Variants in TOM1L1 observed in about 807,000 individuals in gnomAD.
The protein encoded by TOM1L1 is TOM1-like protein 1.
Under a neutral mutation model 63.4 loss-of-function variants are expected in TOM1L1, and 64 were observed. The observed-to-expected ratio is 1.01, with a 90% CI of 0.83 to 1.24. The LOEUF (loss-of-function observed/expected upper bound fraction) is 1.24, where lower values mean the gene tolerates loss of function less well. Among genes scored for constraint, TOM1L1 ranks in the 50% most tolerant of loss-of-function variants. The pLI is 0.00. For synonymous variants in TOM1L1, 166 were observed against 194.4 expected, an observed-to-expected ratio of 0.85 and a Z score of 1.22; for missense variants, 536 against 567.0, an observed-to-expected ratio of 0.95 and a Z score of 0.55.
intron 11 of TOM1L1, among the ~76,000 whole-genome samples, chr17:54,943,784 C>G (rs1168296852): frequency 1.3e-5 from 2 of 151,752 alleles, no homozygotes; most frequent in African/African-American, 4.8e-5. Flanking sequence ...CGAGACCATC[C>G]TAGCTAATAC....
At chr17:54,957,785 A>G (rs1403846501) in intron 14 of TOM1L1, 16 of 152,230 alleles carry the variant, frequency 1.1e-4, no homozygotes, top group Admixed American at 9.8e-4. Context: ...ACGATTCACT[A>G]ATTTCAATAT....
intron 8 of TOM1L1, among the ~76,000 whole-genome samples, chr17:54,931,531 G>T (rs987085948): frequency 1.3e-5 from 2 of 152,114 alleles, no homozygotes; most frequent in African/African-American, 2.4e-5. Context: ...CAAGAATGGT[G>T]GTGCACACCT....
At chr17:54,911,885 C>T (rs1188235924) in intron 3 of TOM1L1, among the ~76,000 whole-genome samples, 1 of 152,176 alleles carries the variant, frequency 6.6e-6, no homozygotes, top group Non-Finnish European at 1.5e-5. Context: ...TCCATAACTT[C>T]ATAGTGCCTT....
Position 54,913,892 on chromosome 17 carries a change from A to G in TOM1L1, c.498+19A>G. On this transcript the variant is annotated intron_variant, in intron 5 of 15. Coordinates refer to ENST00000575882, the MANE Select transcript of TOM1L1 (RefSeq NM_005486.3). ...ACAAGAGGTAGGAGGCCTTTCTTTG[A>G]CCCATGGAGACTATAGTAGTGTATC... is the stretch of plus-strand genomic sequence containing the variant. 1.9e-6 allele frequency: 3 copies of G among 1,598,082 alleles called. No individual in the cohort carries two copies. The highest frequency in any genetic ancestry group is 1.7e-4 in the Middle Eastern group (1 of 5,952).
chr17:54,930,028 A>C, intron 7 of TOM1L1, 45 bp from the exon 8 acceptor site: 1 of 1,612,394 alleles, frequency 6.2e-7, no homozygotes, highest in South Asian at 1.1e-5. Context: ...TCTTTATAGA[A>C]TGTTCCAAGT....
chr17:54,916,022 CTT>C (rs2048583147), intron 7 of TOM1L1, 160 bp downstream of exon 7: 2 of 504,624 alleles, frequency 4.0e-6, no homozygotes. Context: ...CCAAGAATGA[CTT>C]TGTCAGAAAT....
chr17:54,905,460 T>A, intron 2 of TOM1L1, 29 bp from the exon 3 acceptor site: 1 of 1,484,306 alleles, frequency 6.7e-7, no homozygotes, highest in African/African-American at 1.4e-5. Context: ...ATGCCTAAAT[T>A]GGTGATTTCA....
intron 3 of TOM1L1, among the ~76,000 whole-genome samples, chr17:54,907,287 C>T (rs775202701): frequency 6.6e-6 from 1 of 151,994 alleles, no homozygotes; most frequent in Non-Finnish European, 1.5e-5. Context: ...TGCCTGGCAC[C>T]TGACCAATGC....
chr17:54,904,178 T>C (rs1432388293), intron 2 of TOM1L1, among the ~76,000 whole-genome samples: 1 of 151,962 alleles, frequency 6.6e-6, no homozygotes, highest in Non-Finnish European at 1.5e-5. Context: ...CCATCCTGGC[T>C]AACACGTTGA....
In TOM1L1 at chr17:54,912,802, T is replaced by G; in HGVS notation, c.359T>G (p.Leu120Trp). ...CCATTAGACATTCAGAATAGAATCT[T>G]GAATTTCATTAAGGTAAGTCTGTTG... ...NLPLDIQNRI[L>W]NFIKTWSQGF... Residue 120 changes from leucine (L) to tryptophan (W), a missense_variant, in exon 4 of 16, where the codon TTG becomes TGG. By Grantham distance (61) the Leu-to-Trp change is moderately conservative. Transcript: ENST00000575882. 6.2e-7 allele frequency: 1 copy of G among 1,604,066 alleles called. No homozygotes were observed. Among genetic ancestry groups the G allele is most frequent in the South Asian group, 1.1e-5 (1 of 88,532 alleles).
intron 12 of TOM1L1, 140 bp downstream of exon 12, chr17:54,947,452 C>T (rs1364668747): frequency 1.1e-6 from 1 of 942,754 alleles, no homozygotes; most frequent in Non-Finnish European, 1.6e-6. Flanking sequence ...TGGTAAGGAT[C>T]AAAATTTTTT....
At chr17:54,921,917 C>G (rs527976743) in intron 7 of TOM1L1, among the ~76,000 whole-genome samples, 49 of 152,100 alleles carry the variant, frequency 3.2e-4, no homozygotes, top group Non-Finnish European at 6.8e-4. Flanking sequence ...ATAACATAAA[C>G]AGTCGATTCA....
rs1195260109 is a variant in TOM1L1 at position 54,945,470 on chromosome 17, TTCTG to T, written c.1131-1790_1131-1787del. On this transcript the variant is annotated intron_variant, in intron 11 of 15. Coordinates refer to ENST00000575882, the MANE Select transcript of TOM1L1 (RefSeq NM_005486.3). Reference sequence around the variant, plus strand: ...TTTCTTTTCTTCAGAACTACAGTCTTTCTGCTCTCCTGCTGGAACCCTGATGACA... The same window carrying T: ...TTTCTTTTCTTCAGAACTACAGTCTTCTCTCCTGCTGGAACCCTGATGACA... Among the ~76,000 whole-genome samples the T allele has an allele frequency of 2.6e-5, 4 of 152,196 alleles. 1 individual carries two copies. The South Asian group carries it at 8.3e-4, about 32-fold the overall frequency.
intron 8 of TOM1L1, among the ~76,000 whole-genome samples, chr17:54,931,949 G>GTTTTTTTT (rs10632110): frequency 9.1e-5 from 11 of 121,480 alleles, no homozygotes; most frequent in African/African-American, 2.9e-4. Context: ...TTTTTTCTTC[G>GTTTTTTTT]TTTTTTTTTT....
intron 14 of TOM1L1, among the ~76,000 whole-genome samples, chr17:54,950,893 T>C (rs1429319008): frequency 2.0e-5 from 3 of 152,198 alleles, no homozygotes; most frequent in Non-Finnish European, 4.4e-5. Context: ...ATGCAGAGAC[T>C]TCTGTGGCCC....
At chr17:54,908,841 AGGCCT>A (rs2048453237) in intron 3 of TOM1L1, among the ~76,000 whole-genome samples, 4 of 152,268 alleles carry the variant, frequency 2.6e-5, no homozygotes, top group African/African-American at 4.8e-5. Context: ...ATTAGTTAAT[AGGCCT>A]TTGTGGAGCA....
At chr17:54,928,836 T>G (rs1253549723) in intron 7 of TOM1L1, among the ~76,000 whole-genome samples, 1 of 152,160 alleles carries the variant, frequency 6.6e-6, no homozygotes, top group Non-Finnish European at 1.5e-5. Flanking sequence ...TTATGTCATG[T>G]TGTCTTTTCA....
intron 7 of TOM1L1, among the ~76,000 whole-genome samples, chr17:54,924,342 C>T (rs1307973443): frequency 5.3e-5 from 8 of 150,000 alleles, no homozygotes; most frequent in South Asian, 2.1e-4. Context: ...TGCAGTGGCA[C>T]GATCTCTGCT....
At chr17:54,909,354 G>C (rs1400479478) in intron 3 of TOM1L1, among the ~76,000 whole-genome samples, 1 of 152,182 alleles carries the variant, frequency 6.6e-6, no homozygotes, top group Non-Finnish European at 1.5e-5. Context: ...TCCTAGGGGT[G>C]TCATCATAGA....
Sources: gnomAD v4.1 joint callset for allele counts (sites outside exome capture counted in the v4.1 genomes callset) on GRCh38, gnomAD v4.1.1 for gene constraint, MANE v1.5 for transcripts, NCBI Gene and HGNC (gene_info 2026-07-23, HGNC 2026-07-21) for gene names.